Variants in PDZD2 observed in about 807,000 individuals in gnomAD.
PDZD2 encodes PDZ domain containing 2.
PDZD2 carries 90 observed loss-of-function variants against 220.7 expected under a neutral mutation model. The observed-to-expected ratio is 0.41, with a 90% CI of 0.34 to 0.49. The LOEUF is 0.49. PDZD2 is among the 20% of genes least tolerant of loss of function. The pLI is 0.28. For synonymous variants in PDZD2, 1,375 were observed against 1,450.5 expected, an observed-to-expected ratio of 0.95 and a Z score of 1.18; for missense variants, 3,174 against 3,608.5, an observed-to-expected ratio of 0.88 and a Z score of 3.08.
At chr5:31,909,111 A>C (rs1319867577) in intron 2 of PDZD2, 10 of 171,896 alleles carry the variant, frequency 5.8e-5, no homozygotes, top group Non-Finnish European at 1.2e-5. Flanking sequence ...TGGTTGCTTT[A>C]CTGGACTACT....
chr5:31,953,134 G>A (rs1408795130), intron 2 of PDZD2, among the ~76,000 whole-genome samples: 1 of 151,378 alleles, frequency 6.6e-6, no homozygotes, highest in African/African-American at 2.4e-5. Flanking sequence ...GTACTTTAAA[G>A]TTCTAGTAAT....
chr5:31,873,049 C>T (rs1738971371), intron 2 of PDZD2, among the ~76,000 whole-genome samples: 2 of 151,952 alleles, frequency 1.3e-5, no homozygotes, highest in African/African-American at 4.8e-5. Flanking sequence ...AATTACTTGA[C>T]GACACATTTC....
intron 21 of PDZD2, among the ~76,000 whole-genome samples, chr5:32,095,948 T>G (rs970093314): frequency 2.7e-5 from 4 of 150,300 alleles, no homozygotes; most frequent in African/African-American, 9.8e-5. Flanking sequence ...TTTCACCGTG[T>G]TAGCCAGGAT....
At chr5:31,711,164 G>A (rs1288613249) in intron 1 of PDZD2, among the ~76,000 whole-genome samples, 1 of 152,134 alleles carries the variant, frequency 6.6e-6, no homozygotes, top group Non-Finnish European at 1.5e-5. Context: ...CATCATGGAT[G>A]GATATTGGTC....
chr5:31,947,533 T>A (rs113580960), intron 2 of PDZD2, among the ~76,000 whole-genome samples: 1 of 152,212 alleles, frequency 6.6e-6, no homozygotes, highest in Non-Finnish European at 1.5e-5. Context: ...AAAGTTGATA[T>A]GAAAATCAAA....
intron 18 of PDZD2, 67 bp from the exon 19 acceptor site, chr5:32,077,395 G>C (rs1375001468): frequency 1.3e-6 from 2 of 1,530,240 alleles, no homozygotes; most frequent in Non-Finnish European, 1.8e-6. Flanking sequence ...CTCTATATAT[G>C]ATCTCATCTT....
At chr5:31,902,244 CTTG>C (rs1413587841) in intron 2 of PDZD2, among the ~76,000 whole-genome samples, 1 of 152,136 alleles carries the variant, frequency 6.6e-6, no homozygotes, top group Admixed American at 6.6e-5. Context: ...CTCACCAACA[CTTG>C]TTGTTATGTC....
At chr5:31,856,908 CTATATATATATA>C (rs61675053) in intron 2 of PDZD2, among the ~76,000 whole-genome samples, 6,318 of 140,656 alleles carry the variant, frequency 0.045, 175 homozygotes, top group Non-Finnish European at 0.058. Context: ...CTTATCAAAA[CTATATATATATA>C]TATATATATA....
At chr5:31,978,749 CT>C (rs1750020265) in intron 2 of PDZD2, among the ~76,000 whole-genome samples, 1 of 148,296 alleles carries the variant, frequency 6.7e-6, no homozygotes, top group African/African-American at 2.5e-5. Flanking sequence ...AAAATACCCC[CT>C]ATTTAAAGTC....
At chr5:31,831,287 C>T (rs1225702602) in intron 2 of PDZD2, among the ~76,000 whole-genome samples, 3 of 151,566 alleles carry the variant, frequency 2.0e-5, no homozygotes, top group Non-Finnish European at 2.9e-5. Flanking sequence ...TCGAGACCAT[C>T]GTGGCCAACA....
At chr5:31,905,032 G>A (rs1370327211) in intron 2 of PDZD2, among the ~76,000 whole-genome samples, 3 of 152,012 alleles carry the variant, frequency 2.0e-5, no homozygotes, top group Non-Finnish European at 2.9e-5. Flanking sequence ...GCAGTGGCCC[G>A]ATCTTAGCCC....
Position 31,823,010 on chromosome 5 carries a change from C to T in PDZD2, c.476+23286C>T, listed in dbSNP as rs544780229. ...TTCTTTCCGAGAAGACTGAGTTCTACGTTGATGTGATTGAAGTCCCTCCGC... is the reference window on the plus strand; with the variant it reads ...TTCTTTCCGAGAAGACTGAGTTCTATGTTGATGTGATTGAAGTCCCTCCGC... On this transcript the variant is annotated intron_variant, in intron 2 of 24. Transcript: ENST00000438447. The T allele has an allele frequency of 1.8e-5, 21 of 1,188,336 alleles. No individual in the cohort carries two copies. In the East Asian group the frequency reaches 4.3e-4, roughly 24 times the overall value. 73.6% of individuals were successfully genotyped at this position (1,188,336 alleles called of 1,614,324 possible). A position where few individuals can be genotyped will look rare whatever the true frequency, so the allele number is the denominator to read the frequency against.
chr5:32,089,975 C>T lies in PDZD2; in HGVS notation c.6527C>T (p.Thr2176Ile), dbSNP rs770242647. ...GCGTCCTCCTCCTCCTCCCTTCAAA[C>T]AGCCATTAGAAAGGCAGAATACTCC... ...KLASSSSSLQ[T>I]AIRKAEYSQG... The change falls in exon 20 of 25, where the codon ACA (threonine) becomes ATA (isoleucine). Residue 2176 changes from threonine to isoleucine, a missense_variant. Physicochemically the swap from Thr to Ile is moderately conservative, Grantham distance 89. Around this residue, in one of 4 missense-constraint regions of PDZD2, gnomAD observed 1,861 missense variants for 2,001.0 expected, o/e 0.93. Coordinates refer to ENST00000438447, the MANE Select transcript of PDZD2 (RefSeq NM_178140.4). The T allele has an allele frequency of 6.2e-7, 1 of 1,603,640 alleles. No individual in the cohort carries two copies. Among genetic ancestry groups the T allele is most frequent in the Admixed American group, 1.7e-5 (1 of 59,174 alleles).
At chr5:31,910,797 C>T (rs887220818) in intron 2 of PDZD2, among the ~76,000 whole-genome samples, 24 of 151,912 alleles carry the variant, frequency 1.6e-4, no homozygotes, top group Admixed American at 3.3e-4. Flanking sequence ...CCCAAAGTGC[C>T]GGGATTACAG....
At chr5:31,993,028 C>A (rs1245846954) in intron 3 of PDZD2, among the ~76,000 whole-genome samples, 1 of 152,132 alleles carries the variant, frequency 6.6e-6, no homozygotes, top group Non-Finnish European at 1.5e-5. Context: ...CATCGGGCCC[C>A]ATTGGAAGTG....
intron 2 of PDZD2, among the ~76,000 whole-genome samples, chr5:31,943,668 T>C (rs968781991): frequency 1.3e-5 from 2 of 152,196 alleles, no homozygotes; most frequent in Non-Finnish European, 2.9e-5. Flanking sequence ...ACGAGGCAAA[T>C]GCAGTCGCTA....
intron 1 of PDZD2, among the ~76,000 whole-genome samples, chr5:31,657,063 A>G (rs1312481475): frequency 2.0e-5 from 3 of 152,204 alleles, no homozygotes; most frequent in Non-Finnish European, 4.4e-5. Context: ...TGAGACAGGA[A>G]ATGTCATAAA....
chr5:31,777,670 G>A (rs181254491), intron 1 of PDZD2, among the ~76,000 whole-genome samples: 1 of 152,338 alleles, frequency 6.6e-6, no homozygotes, highest in Admixed American at 6.5e-5. Flanking sequence ...CTCAGGGTTT[G>A]TGGATGCACC....
chr5:31,654,684 G>C (rs1745478503), intron 1 of PDZD2, among the ~76,000 whole-genome samples: 1 of 152,004 alleles, frequency 6.6e-6, no homozygotes, highest in Non-Finnish European at 1.5e-5. Flanking sequence ...TACAGGCATT[G>C]CTCCTCACTT....
Sources: allele counts gnomAD v4.1 joint callset (sites outside exome capture counted in the v4.1 genomes callset), GRCh38; gene constraint gnomAD v4.1.1; regional missense constraint gnomAD v4.1.1; transcripts MANE v1.5; gene names NCBI Gene and HGNC (gene_info 2026-07-23, HGNC 2026-07-21).